TECPR2: variants seen among roughly 807,000 people sequenced by gnomAD.
TECPR2 encodes the protein tectonin beta-propeller repeat containing 2, also known as tectonin beta-propeller repeat-containing protein 2.
TECPR2 carries 65 observed loss-of-function variants against 138.1 expected under a neutral mutation model. The ratio of observed to expected loss-of-function variants is 0.47; its 90% CI spans 0.39 to 0.58. TECPR2 has a LOEUF of 0.58. Among genes scored for constraint, TECPR2 ranks in the 20% least tolerant of loss-of-function variants. The pLI is 0.00. For synonymous variants in TECPR2, 746 were observed against 749.8 expected, an observed-to-expected ratio of 0.99 and a Z score of 0.08; for missense variants, 1,553 against 1,824.5, an observed-to-expected ratio of 0.85 and a Z score of 2.71.
chr14:102,474,086 C>G (rs139512894), intron 17 of TECPR2, among the ~76,000 whole-genome samples: 11 of 152,018 alleles, frequency 7.2e-5, no homozygotes, highest in African/African-American at 2.7e-4. Context: ...AGTGAGACCC[C>G]GTCTCTACAG....
rs935638955 is a variant in TECPR2 at position 102,423,553 on chromosome 14, A to G, written c.639-1426A>G. On this transcript the variant is annotated intron_variant, in intron 5 of 19. Transcript: ENST00000359520. ...GCCCAAGACAATTCTTCTTCTTCCA[A>G]TGTGGCCCAGGGAAGCCAAAAGATT... Among the ~76,000 whole-genome samples the G allele has an allele frequency of 2.2e-4, 34 of 152,088 alleles. 1 individual carries two copies. Among genetic ancestry groups the G allele is most frequent in the African/African-American group, 7.2e-4 (30 of 41,482 alleles).
At chr14:102,437,476 C>T (rs909267984) in intron 9 of TECPR2, among the ~76,000 whole-genome samples, 5 of 152,088 alleles carry the variant, frequency 3.3e-5, no homozygotes, top group Non-Finnish European at 5.9e-5. Context: ...CTTGCTTGAA[C>T]CCAGGAGGCG....
At chr14:102,406,903 A>G (rs1888673870) in intron 2 of TECPR2, among the ~76,000 whole-genome samples, 1 of 152,154 alleles carries the variant, frequency 6.6e-6, no homozygotes, top group Admixed American at 6.6e-5. Context: ...TCTGTCGCCC[A>G]GGCTGGATGC....
chr14:102,480,005 C>G (rs993354307), intron 17 of TECPR2, among the ~76,000 whole-genome samples: 4 of 152,180 alleles, frequency 2.6e-5, no homozygotes, highest in Admixed American at 6.5e-5. Flanking sequence ...AGAACTTCAA[C>G]TAATACTTGT....
intron 2 of TECPR2, among the ~76,000 whole-genome samples, chr14:102,379,972 A>G (rs990785463): frequency 2.0e-5 from 3 of 148,662 alleles, no homozygotes; most frequent in African/African-American, 5.0e-5. Flanking sequence ...CTTAAAATCC[A>G]TGCACAGAGG....
At position 102,435,144 on chromosome 14, in the gene TECPR2, C is replaced by A; in HGVS notation, c.2327C>A (p.Pro776His). The A allele has an allele frequency of 6.2e-7, 1 of 1,613,316 alleles. No individual in the cohort carries two copies. The highest frequency in any genetic ancestry group is 1.1e-5 in the South Asian group (1 of 91,076). Residue 776 changes from proline (P) to histidine (H), a missense_variant, in exon 9 of 20, where the codon CCT (proline) becomes CAT (histidine). Physicochemically the swap from Pro to His is moderately conservative, Grantham distance 77 (BLOSUM62 -2). Transcript: ENST00000359520. ...GAGACGAGTGTGACAGAGCTCGGAC[C>A]TAGTTGCTCCCAGCAGGACCTGAGC... ...SSETSVTELG[P>H]SCSQQDLSRL...
At chr14:102,449,121 A>G (rs934262416) in intron 13 of TECPR2, among the ~76,000 whole-genome samples, 1 of 152,116 alleles carries the variant, frequency 6.6e-6, no homozygotes, top group African/African-American at 2.4e-5. Flanking sequence ...AATTGGCTAC[A>G]TGTAGTAGCA....
chr14:102,468,093 ACCTCGG>A (rs1239006629), intron 17 of TECPR2, among the ~76,000 whole-genome samples: 2 of 149,562 alleles, frequency 1.3e-5, no homozygotes, highest in African/African-American at 4.9e-5. Flanking sequence ...TGATCCGCCC[ACCTCGG>A]CCTCCCAAAG....
At chr14:102,411,276 A>G (rs1283699234) in intron 4 of TECPR2, among the ~76,000 whole-genome samples, 2 of 152,252 alleles carry the variant, frequency 1.3e-5, no homozygotes, top group African/African-American at 4.8e-5. Flanking sequence ...TTATTAATAT[A>G]AGAAGGCAGG....
chr14:102,472,190 G>A (rs1890666758), intron 17 of TECPR2, among the ~76,000 whole-genome samples: 1 of 152,206 alleles, frequency 6.6e-6, no homozygotes, highest in South Asian at 2.1e-4. Flanking sequence ...TCCTCAGTGG[G>A]GCTGGAGCCA....
Position 102,481,061 on chromosome 14 carries a change from G to A in TECPR2, c.3789+15772G>A, listed in dbSNP as rs1033099920. Among the ~76,000 whole-genome samples, 9 of 149,500 alleles carry A rather than the reference G, an allele frequency of 6.0e-5. No individual in the cohort carries two copies. In the South Asian group the frequency reaches 6.3e-4, roughly 11 times the overall value. On this transcript the variant is annotated intron_variant, in intron 17 of 19. Coordinates refer to ENST00000359520, the MANE Select transcript of TECPR2 (RefSeq NM_014844.5). ...GGGTCTCACTCTGTCACCCAGGCGC[G>A]TAGTGCAGTGGCACAATCTCAGCTC...
chr14:102,427,479 G>A (rs995923759), intron 6 of TECPR2, among the ~76,000 whole-genome samples: 4 of 152,180 alleles, frequency 2.6e-5, no homozygotes, highest in Non-Finnish European at 5.9e-5. Flanking sequence ...CAGTCCATCA[G>A]TTATTTAAAA....
intron 17 of TECPR2, among the ~76,000 whole-genome samples, chr14:102,467,089 T>C (rs1049268016): frequency 2.8e-4 from 43 of 152,230 alleles, no homozygotes; most frequent in African/African-American, 1.0e-3. Flanking sequence ...TTGGATTGTT[T>C]CTGCTTATTG....
At chr14:102,470,960 A>G (rs1285007735) in intron 17 of TECPR2, among the ~76,000 whole-genome samples, 3 of 151,962 alleles carry the variant, frequency 2.0e-5, no homozygotes, top group Non-Finnish European at 4.4e-5. Context: ...CTGGGATTAC[A>G]GGCATGCACC....
At chr14:102,367,011 G>A (rs542622086) in intron 1 of TECPR2, among the ~76,000 whole-genome samples, 2 of 152,304 alleles carry the variant, frequency 1.3e-5, no homozygotes, top group South Asian at 4.1e-4. Flanking sequence ...ATTCTGCATA[G>A]AGGAAATAAT....
rs3742436 is a variant in TECPR2, at chr14:102,498,343, C to T, written c.*86C>T. The T allele has an allele frequency of 4.0e-5, 58 of 1,457,540 alleles. No individual in the cohort carries two copies. Among genetic ancestry groups the T allele is most frequent in the East Asian group, 2.2e-4 (9 of 41,422 alleles). The allele number at this position is 1,457,540 out of a possible 1,614,324, so 90.3% of individuals were successfully genotyped here. On this transcript the variant is annotated 3_prime_UTR_variant, in exon 20 of 20. Coordinates refer to ENST00000359520, the MANE Select transcript of TECPR2 (RefSeq NM_014844.5). ...GAGTGACTCCCTGGTGGACGCGCTG[C>T]CTCAACACTTGTCCAGACACCTCTG...
At chr14:102,383,295 G>A (rs1469119166) in intron 2 of TECPR2, among the ~76,000 whole-genome samples, 3 of 152,160 alleles carry the variant, frequency 2.0e-5, no homozygotes, top group Non-Finnish European at 4.4e-5. Flanking sequence ...TGGCAGTAAG[G>A]TTTATATGCG....
At position 102,498,136 on chromosome 14, in the gene TECPR2, C is replaced by T. The variant is rs200711723; in HGVS notation, c.4115C>T (p.Pro1372Leu). Reference protein sequence around the residue: ...TASDELWAVGPPGYLLQRLTK... With the variant: ...TASDELWAVGLPGYLLQRLTK... ...TCAGATGAGCTGTGGGCTGTGGGCC[C>T]GCCCGGCTACCTCCTCCAACGGCTG... The change falls in exon 20 of 20, where the codon CCG (proline) becomes CTG (leucine). Residue 1372 changes from proline (P) to leucine (L), a missense_variant. Coordinates refer to ENST00000359520, the MANE Select transcript of TECPR2 (RefSeq NM_014844.5). 8.9e-5 allele frequency: 144 copies of T among 1,613,590 alleles called. No homozygotes were observed. The highest frequency in any genetic ancestry group is 1.1e-4 in the Non-Finnish European group (131 of 1,180,020).
At chr14:102,386,618 G>A (rs1888012451) in intron 2 of TECPR2, among the ~76,000 whole-genome samples, 1 of 152,042 alleles carries the variant, frequency 6.6e-6, no homozygotes, top group Non-Finnish European at 1.5e-5. Context: ...CTTAACTCTA[G>A]GTAGGGATTA....
Sources: gnomAD v4.1 joint callset for allele counts (sites outside exome capture counted in the v4.1 genomes callset) on GRCh38, gnomAD v4.1.1 for gene constraint, MANE v1.5 for transcripts, NCBI Gene and HGNC (gene_info 2026-07-23, HGNC 2026-07-21) for gene names.